Variants in CDKAL1 observed in about 807,000 individuals in gnomAD.
CDKAL1 encodes CDKAL1 threonylcarbamoyladenosine tRNA methylthiotransferase.
In CDKAL1, 32 loss-of-function variants were observed where a neutral mutation model predicts 68.2. The ratio of observed to expected loss-of-function variants is 0.47; its 90% CI spans 0.35 to 0.63. The LOEUF (loss-of-function observed/expected upper bound fraction) is 0.63, where lower values mean the gene tolerates loss of function less well. CDKAL1 is among the 30% of genes least tolerant of loss of function. The pLI, the probability that CDKAL1 is intolerant of heterozygous loss-of-function variation, is 0.00. For synonymous variants in CDKAL1, 234 were observed against 244.3 expected, an observed-to-expected ratio of 0.96 and a Z score of 0.39; for missense variants, 606 against 696.7, an observed-to-expected ratio of 0.87 and a Z score of 1.47.
Position 20,597,006 on chromosome 6 carries a change from G to A in CDKAL1, c.286+48301G>A, listed in dbSNP as rs959961942. On this transcript the variant is annotated intron_variant, in intron 4 of 15. Coordinates refer to ENST00000274695, the MANE Select transcript of CDKAL1 (RefSeq NM_017774.3). ...AACCAGGCCCGTTGAGATGAGCCTG[G>A]CACCTCAGTTGGAAACGCAGAAATC... Among the ~76,000 whole-genome samples the A allele has an allele frequency of 1.1e-4, 16 of 152,306 alleles. 1 individual carries two copies. Among genetic ancestry groups the A allele is most frequent in the Admixed American group, 8.5e-4 (13 of 15,298 alleles).
intron 4 of CDKAL1, among the ~76,000 whole-genome samples, chr6:20,573,116 C>A (rs2127680595): frequency 6.6e-6 from 1 of 152,172 alleles, no homozygotes; most frequent in East Asian, 1.9e-4. Context: ...TTTTAAGGAC[C>A]ATGTTGCGCA....
At chr6:20,711,615 C>T (rs566699284) in intron 5 of CDKAL1, among the ~76,000 whole-genome samples, 2 of 152,216 alleles carry the variant, frequency 1.3e-5, no homozygotes, top group Admixed American at 6.5e-5. Context: ...AGAAAACAAC[C>T]AGAAGTAGCA....
intron 15 of CDKAL1, among the ~76,000 whole-genome samples, chr6:21,201,618 G>C (rs1778695434): frequency 1.3e-5 from 2 of 152,170 alleles, no homozygotes; most frequent in African/African-American, 4.8e-5. Flanking sequence ...GATGAAGAAA[G>C]GGGTGTTTTC....
intron 9 of CDKAL1, among the ~76,000 whole-genome samples, chr6:20,905,915 T>G (rs896410985): frequency 3.9e-5 from 6 of 152,178 alleles, no homozygotes; most frequent in Non-Finnish European, 5.9e-5. Flanking sequence ...CTGAGGGAGT[T>G]TGTTACCACC....
chr6:20,883,021 T>G (rs1381688986), intron 9 of CDKAL1, among the ~76,000 whole-genome samples: 2 of 152,214 alleles, frequency 1.3e-5, no homozygotes, highest in Non-Finnish European at 2.9e-5. Flanking sequence ...CTGAAACTTT[T>G]GTATGCTCTG....
chr6:21,168,879 C>T (rs1477496043), intron 13 of CDKAL1, among the ~76,000 whole-genome samples: 6 of 152,184 alleles, frequency 3.9e-5, no homozygotes, highest in African/African-American at 1.4e-4. Flanking sequence ...CTTTTCTCCT[C>T]TCCTCTTCTT....
chr6:21,009,814 A>G, intron 11 of CDKAL1, among the ~76,000 whole-genome samples: 1 of 152,234 alleles, frequency 6.6e-6, no homozygotes, highest in East Asian at 1.9e-4. Context: ...GAGATGGAAC[A>G]TAGAATGATG....
At chr6:21,141,233 T>A (rs946774979) in intron 13 of CDKAL1, among the ~76,000 whole-genome samples, 4 of 152,214 alleles carry the variant, frequency 2.6e-5, no homozygotes, top group Admixed American at 2.0e-4. Flanking sequence ...TTCTACATCT[T>A]TGCAGATTTT....
intron 5 of CDKAL1, among the ~76,000 whole-genome samples, chr6:20,732,705 A>G (rs1276955189): frequency 1.3e-5 from 2 of 152,108 alleles, no homozygotes; most frequent in Admixed American, 1.3e-4. Flanking sequence ...TGTACTTCTC[A>G]TTCATTACTC....
intron 13 of CDKAL1, among the ~76,000 whole-genome samples, chr6:21,158,176 G>A (rs934151887): frequency 6.6e-6 from 1 of 152,280 alleles, no homozygotes; most frequent in African/African-American, 2.4e-5. Flanking sequence ...CTGAGGATAC[G>A]CATGTTAGTG....
intron 5 of CDKAL1, among the ~76,000 whole-genome samples, chr6:20,679,037 T>C (rs1308328201): frequency 6.6e-6 from 1 of 152,212 alleles, no homozygotes; most frequent in Non-Finnish European, 1.5e-5. Context: ...CCCTAGTATC[T>C]ATGACTACGG....
At chr6:20,975,819 G>A (rs1452302584) in intron 10 of CDKAL1, among the ~76,000 whole-genome samples, 4 of 152,018 alleles carry the variant, frequency 2.6e-5, no homozygotes, top group Non-Finnish European at 5.9e-5. Flanking sequence ...TTTTTGATTT[G>A]TTCCCTAAAG....
rs181648666 is a variant in CDKAL1 at position 20,953,780 on chromosome 6, A to G, written c.743-1639A>G. On this transcript the variant is annotated intron_variant, in intron 9 of 15. Transcript: ENST00000274695. ...TTTGGAGGATAAAGCTTTTTATTAA[A>G]TGATTAAGATTAAGCAAAGGTTTAT... Among the ~76,000 whole-genome samples the G allele has an allele frequency of 9.1e-4, 139 of 152,332 alleles. 1 individual carries two copies. The highest frequency in any genetic ancestry group is 3.4e-3 in the Middle Eastern group (1 of 294).
intron 15 of CDKAL1, among the ~76,000 whole-genome samples, chr6:21,221,903 C>T (rs148879522): frequency 6.6e-6 from 1 of 152,096 alleles, no homozygotes; most frequent in Non-Finnish European, 1.5e-5. Flanking sequence ...GGGCAGATGC[C>T]AAGCTTTGTT....
rs115988816 is a variant in CDKAL1 at position 20,904,319 on chromosome 6, T to C, written c.743-51100T>C. 4.8e-3 allele frequency among the ~76,000 whole-genome samples: 724 copies of C among 152,214 alleles called. 7 individuals are homozygous for C. Among genetic ancestry groups the C allele is most frequent in the African/African-American group, 0.016 (656 of 41,530 alleles). ...GGGAGGCCAAGGTGGGAGGATTGCT[T>C]GAGCTCAGAACTTCAAGACCAGCTT... On this transcript the variant is annotated intron_variant, in intron 9 of 15. Coordinates refer to ENST00000274695, the MANE Select transcript of CDKAL1 (RefSeq NM_017774.3).
chr6:21,065,976 G>A (rs1771415440), intron 12 of CDKAL1, among the ~76,000 whole-genome samples: 1 of 150,886 alleles, frequency 6.6e-6, no homozygotes, highest in Non-Finnish European at 1.5e-5. Flanking sequence ...AGTAATTGCG[G>A]TTTTTGCCTT....
intron 4 of CDKAL1, among the ~76,000 whole-genome samples, chr6:20,604,292 T>C (rs1388382398): frequency 6.6e-6 from 1 of 152,184 alleles, no homozygotes; most frequent in East Asian, 1.9e-4. Flanking sequence ...CAAGACTGAT[T>C]GGCTACTGTT....
At chr6:20,803,739 G>A (rs1436110619) in intron 8 of CDKAL1, among the ~76,000 whole-genome samples, 2 of 152,072 alleles carry the variant, frequency 1.3e-5, no homozygotes, top group Non-Finnish European at 2.9e-5. Context: ...CAGGGGAGCT[G>A]ATGTTATTCT....
chr6:21,230,087 T>A (rs1373862494), intron 15 of CDKAL1, among the ~76,000 whole-genome samples: 2 of 152,214 alleles, frequency 1.3e-5, no homozygotes, highest in Non-Finnish European at 2.9e-5. Flanking sequence ...GGCGCAGCCC[T>A]CCTGTGGCAG....
Sources: allele counts gnomAD v4.1 joint callset (sites outside exome capture counted in the v4.1 genomes callset), GRCh38; gene constraint gnomAD v4.1.1; transcripts MANE v1.5; gene names NCBI Gene and HGNC (gene_info 2026-07-23, HGNC 2026-07-21).